The following INSR variants were observed in gnomAD, a reference collection of about 807,000 sequenced individuals.
The protein encoded by INSR is IR.
INSR carries 67 observed loss-of-function variants against 142.6 expected under a neutral mutation model. The ratio of observed to expected loss-of-function variants is 0.47; its 90% CI spans 0.39 to 0.58. The LOEUF is 0.58. Ranked by LOEUF, INSR falls within the 20% of genes least tolerant of loss-of-function variation. INSR has a pLI of 0.00. For missense variants in INSR, 1,248 were observed against 1,833.2 expected (o/e 0.68, Z 5.83); for synonymous variants, 756 against 743.1 (o/e 1.02, Z -0.28).
chr19:7,184,780 GT>G (rs1231732660), intron 2 of INSR, 143 bp from the exon 3 acceptor site: 57 of 538,204 alleles, frequency 1.1e-4, no homozygotes, highest in Admixed American at 7.9e-5. Context: ...AACACTAACA[GT>G]AAAAGCGGCA....
chr19:7,182,263 A>C (rs1174455836), intron 3 of INSR, among the ~76,000 whole-genome samples: 1 of 152,122 alleles, frequency 6.6e-6, no homozygotes, highest in Non-Finnish European at 1.5e-5. Context: ...TGAACCCGGG[A>C]GGCTGAGTTG....
rs145194286 is a variant in INSR, at chr19:7,224,050, G to A, written c.653-39413C>T. Among the ~76,000 whole-genome samples the A allele has an allele frequency of 5.9e-3, 898 of 151,532 alleles. 6 individuals carry two copies. Among genetic ancestry groups the A allele is most frequent in the Middle Eastern group, 0.017 (5 of 294 alleles). ...AACCTCTCCCTCTTGGGTTCAAGCC[G>A]TTCTCCCACCTCAGCCTCCAGTAGC... On this transcript the variant is annotated intron_variant, in intron 2 of 21. Coordinates refer to ENST00000302850, the MANE Select transcript of INSR (RefSeq NM_000208.4).
Position 7,267,489 on chromosome 19 carries a change from T to C in INSR, c.508A>G (p.Asn170Asp). The change falls in exon 2 of 22, where the codon AAT becomes GAT. Residue 170 changes from asparagine to aspartate, a missense_variant. Around this residue, in one of 3 missense-constraint regions of INSR, gnomAD observed 1,069 missense variants for 1,654.0 expected, o/e 0.65. Coordinates refer to ENST00000302850, the MANE Select transcript of INSR (RefSeq NM_000208.4). The surrounding 1 kb of genome is among the most constrained non-coding windows in gnomAD (Gnocchi z 6.3). Reference protein sequence around the residue: ...WSRILDSVEDNYIVLNKDDNE... With the variant: ...WSRILDSVEDDYIVLNKDDNE... ...TCATCTTTGTTCAACACGATGTAAT[T>C]ATCCTCCACGGAATCCAGGATACGG... 6.2e-7 allele frequency: 1 copy of C among 1,614,078 alleles called. No homozygotes were observed. Among genetic ancestry groups the C allele is most frequent in the Non-Finnish European group, 8.5e-7 (1 of 1,180,020 alleles).
Position 7,163,538 on chromosome 19 carries a change from T to C in INSR, c.1862-339A>G, listed in dbSNP as rs533490943. On this transcript the variant is annotated intron_variant, in intron 8 of 21. Coordinates refer to ENST00000302850, the MANE Select transcript of INSR (RefSeq NM_000208.4). ...TTGCGCCACTGCACTCCAGCCTGGG[T>C]GACAGAGCAAGAGTCCGTCTCAAAA... Among the ~76,000 whole-genome samples the C allele has an allele frequency of 6.6e-5, 10 of 150,404 alleles. No individual in the cohort carries two copies. In the East Asian group the frequency reaches 1.6e-3, roughly 24 times the overall value.
Position 7,193,415 on chromosome 19 carries a change from G to A in INSR, c.653-8778C>T, listed in dbSNP as rs570192324. On this transcript the variant is annotated intron_variant, in intron 2 of 21. Coordinates refer to ENST00000302850, the MANE Select transcript of INSR (RefSeq NM_000208.4). ...TAGTCTCAGCTACATGGGAGGCTGAGGCAGGAAAATCACCTGAACCTGGGG... is the reference window on the plus strand; with the variant it reads ...TAGTCTCAGCTACATGGGAGGCTGAAGCAGGAAAATCACCTGAACCTGGGG... 2.6e-5 allele frequency among the ~76,000 whole-genome samples: 4 copies of A among 151,762 alleles called. No individual in the cohort carries two copies. The South Asian group carries it at 8.4e-4, about 32-fold the overall frequency.
At position 7,248,735 on chromosome 19, in the gene INSR, C is replaced by CTATT. The variant is rs1347244915; in HGVS notation, c.652+18606_652+18609dup. Among the ~76,000 whole-genome samples the CTATT allele has an allele frequency of 2.7e-5, 4 of 147,874 alleles. No homozygotes were observed. The East Asian group carries it at 8.2e-4, about 30-fold the overall frequency. ...GTTCTGAAGAATGGATTATCCTGGA[C>CTATT]TATTCCCGGTTGGCCAGAATTTTTT... On this transcript the variant is annotated intron_variant, in intron 2 of 21. Coordinates refer to ENST00000302850, the MANE Select transcript of INSR (RefSeq NM_000208.4).
intron 7 of INSR, 80 bp downstream of exon 7, chr19:7,167,888 G>C (rs1973923586): frequency 1.9e-6 from 3 of 1,568,136 alleles, no homozygotes; most frequent in Non-Finnish European, 2.6e-6. Flanking sequence ...CCCAAGAGGG[G>C]CAGATTGGAG....
intron 9 of INSR, among the ~76,000 whole-genome samples, chr19:7,155,323 T>C (rs1032925434): frequency 6.6e-6 from 1 of 151,700 alleles, no homozygotes; most frequent in African/African-American, 2.4e-5. Context: ...TCACTTGAGG[T>C]CAGGAGTTCG....
At chr19:7,137,729 G>C in intron 13 of INSR, among the ~76,000 whole-genome samples, 1 of 141,926 alleles carries the variant, frequency 7.0e-6, no homozygotes, top group Admixed American at 7.3e-5. Context: ...AGAGGTTGCA[G>C]TGAGCTGAGA....
intron 8 of INSR, among the ~76,000 whole-genome samples, chr19:7,163,948 A>AAAAAAAAAAT (rs1411048837): frequency 5.9e-5 from 8 of 136,102 alleles, no homozygotes; most frequent in African/African-American, 1.9e-4. Flanking sequence ...AAAAAAAAAA[A>AAAAAAAAAAT]ATTAGCTGGA....
At chr19:7,246,938 A>G (rs1309094155) in intron 2 of INSR, among the ~76,000 whole-genome samples, 1 of 144,844 alleles carries the variant, frequency 6.9e-6, no homozygotes, top group Non-Finnish European at 1.5e-5. Context: ...ACAAGTTCCT[A>G]GTTCTATGTT....
chr19:7,116,768 G>T lies in INSR; in HGVS notation c.*288C>A, dbSNP rs961650250. On this transcript the variant is annotated 3_prime_UTR_variant, in exon 22 of 22. Coordinates refer to ENST00000302850, the MANE Select transcript of INSR (RefSeq NM_000208.4). ...TTCTTTCCATCTGCTGGGGGCGGGTGGGGGGAACGAAAAAACACAAAATCC... is the reference window on the plus strand; with the variant it reads ...TTCTTTCCATCTGCTGGGGGCGGGTTGGGGGAACGAAAAAACACAAAATCC... 12 of 93,064 alleles carry T rather than the reference G, an allele frequency of 1.3e-4. No individual in the cohort carries two copies. Among genetic ancestry groups the T allele is most frequent in the Non-Finnish European group, 2.3e-4 (10 of 44,082 alleles). 5.8% of individuals were successfully genotyped at this position (93,064 alleles called of 1,614,324 possible).
At chr19:7,187,144 C>T (rs562876333) in intron 2 of INSR, among the ~76,000 whole-genome samples, 1 of 151,998 alleles carries the variant, frequency 6.6e-6, no homozygotes, top group South Asian at 2.1e-4. Context: ...TGCAGTGACT[C>T]GATCTCGGCT....
chr19:7,276,182 G>A (rs889908200), intron 1 of INSR, among the ~76,000 whole-genome samples: 2 of 151,904 alleles, frequency 1.3e-5, no homozygotes, highest in South Asian at 4.1e-4. Flanking sequence ...GTCTTGCTAT[G>A]TTGCCCAGGC....
At chr19:7,162,228 G>T (rs1035980910) in intron 9 of INSR, among the ~76,000 whole-genome samples, 3 of 151,234 alleles carry the variant, frequency 2.0e-5, no homozygotes, top group African/African-American at 7.3e-5. Flanking sequence ...TCAGGAGCCT[G>T]AGGCAGGAGA....
At chr19:7,285,430 A>C (rs1181543090) in intron 1 of INSR, among the ~76,000 whole-genome samples, 1 of 152,076 alleles carries the variant, frequency 6.6e-6, no homozygotes, top group African/African-American at 2.4e-5. Flanking sequence ...GGCCTGGGCA[A>C]CAGAGTTAGT....
intron 2 of INSR, among the ~76,000 whole-genome samples, chr19:7,262,308 T>C (rs1415567763): frequency 6.6e-6 from 1 of 152,074 alleles, no homozygotes; most frequent in Non-Finnish European, 1.5e-5. Flanking sequence ...CCATCTCTAC[T>C]AAAAATCCAA....
chr19:7,245,611 G>A (rs1325684715), intron 2 of INSR, among the ~76,000 whole-genome samples: 1 of 152,022 alleles, frequency 6.6e-6, no homozygotes, highest in East Asian at 1.9e-4. Context: ...ACCATGCCCG[G>A]CTAATTTTTG....
intron 13 of INSR, among the ~76,000 whole-genome samples, chr19:7,133,135 A>G (rs796875102): frequency 3.3e-5 from 5 of 152,040 alleles, no homozygotes; most frequent in African/African-American, 1.2e-4. Flanking sequence ...GATGGTTCGC[A>G]CCTGTAGTCC....
Sources: gnomAD v4.1 joint callset for allele counts (sites outside exome capture counted in the v4.1 genomes callset) on GRCh38, gnomAD v4.1.1 for gene constraint, gnomAD v4.1.1 regional missense constraint, Gnocchi (gnomAD v3.1) non-coding constraint, MANE v1.5 for transcripts, NCBI Gene and HGNC (gene_info 2026-07-23, HGNC 2026-07-21) for gene names.